The following SPIDR variants were observed in gnomAD, a reference collection of about 807,000 sequenced individuals.
SPIDR encodes scaffold protein involved in DNA repair.
Under a neutral mutation model 104.6 loss-of-function variants are expected in SPIDR, and 93 were observed. The ratio of observed to expected loss-of-function variants is 0.89; its 90% CI spans 0.75 to 1.06. The LOEUF is 1.06. SPIDR is among the 50% of genes least tolerant of loss of function. The pLI is 0.00. For missense variants in SPIDR, 1,154 were observed against 1,111.2 expected (o/e 1.04, Z -0.55); for synonymous variants, 431 against 416.9 (o/e 1.03, Z -0.41).
At chr8:47,388,911 G>A (rs1032635429) in intron 5 of SPIDR, among the ~76,000 whole-genome samples, 4 of 152,326 alleles carry the variant, frequency 2.6e-5, no homozygotes, top group Admixed American at 2.6e-4. Context: ...TTAGTATATT[G>A]CAATGGAAAT....
At chr8:47,433,063 T>C (rs1282684418) in intron 7 of SPIDR, among the ~76,000 whole-genome samples, 1 of 152,214 alleles carries the variant, frequency 6.6e-6, no homozygotes, top group African/African-American at 2.4e-5. Context: ...TAGAAATCTT[T>C]ACTGTCTCAG....
At chr8:47,658,893 G>A (rs1025194566) in intron 10 of SPIDR, among the ~76,000 whole-genome samples, 3 of 146,854 alleles carry the variant, frequency 2.0e-5, no homozygotes, top group African/African-American at 2.5e-5. Context: ...CCAAGATAGC[G>A]CAATTGCATT....
chr8:47,643,203 G>A (rs2069509458), intron 10 of SPIDR, among the ~76,000 whole-genome samples: 2 of 151,910 alleles, frequency 1.3e-5, no homozygotes, highest in East Asian at 1.9e-4. Flanking sequence ...TTAACTGAAT[G>A]TATTGTAAGT....
intron 5 of SPIDR, among the ~76,000 whole-genome samples, chr8:47,331,333 T>C (rs1268957099): frequency 6.6e-6 from 1 of 152,122 alleles, no homozygotes; most frequent in African/African-American, 2.4e-5. Context: ...CATCATAGAG[T>C]GTTCTTACTC....
intron 8 of SPIDR, among the ~76,000 whole-genome samples, chr8:47,445,512 C>T (rs1189135622): frequency 6.6e-6 from 1 of 152,144 alleles, no homozygotes; most frequent in Non-Finnish European, 1.5e-5. Context: ...CAATTAATCG[C>T]CCTAATATGC....
chr8:47,422,551 G>A (rs2065709458), intron 7 of SPIDR, among the ~76,000 whole-genome samples: 1 of 152,234 alleles, frequency 6.6e-6, no homozygotes, highest in Admixed American at 6.5e-5. Context: ...GACCCCTTGT[G>A]CTTCCCGGGT....
At chr8:47,536,701 G>A (rs913705953) in intron 8 of SPIDR, among the ~76,000 whole-genome samples, 3 of 152,106 alleles carry the variant, frequency 2.0e-5, no homozygotes, top group Admixed American at 2.0e-4. Context: ...TTTAAGTTTG[G>A]CAGTGACCAA....
intron 10 of SPIDR, among the ~76,000 whole-genome samples, chr8:47,615,596 C>T (rs2064193383): frequency 6.6e-6 from 1 of 151,690 alleles, no homozygotes; most frequent in Admixed American, 6.6e-5. Flanking sequence ...CCTCAGTCTC[C>T]CAAGTAGCTG....
At position 47,727,276 on chromosome 8, in the gene SPIDR, A is replaced by G. The variant is rs1304624903; in HGVS notation, c.2418A>G (p.Glu806=). The G allele has an allele frequency of 1.2e-6, 2 of 1,614,080 alleles. No homozygotes were observed. Among genetic ancestry groups the G allele is most frequent in the Admixed American group, 3.3e-5 (2 of 60,002 alleles). The change falls in exon 17 of 20, where the codon GAA becomes GAG. Residue 806 remains glutamate (E), a synonymous_variant. Transcript: ENST00000297423. Reference sequence around the variant, plus strand: ...ACATGTGTGGCAACGGGAGATTGGAACAGAGGCCGGAAGACAGGTAAGGGG... The same window carrying G: ...ACATGTGTGGCAACGGGAGATTGGAGCAGAGGCCGGAAGACAGGTAAGGGG... ...VCDMCGNGRL[E]QRPEDRGAFS...
intron 5 of SPIDR, among the ~76,000 whole-genome samples, chr8:47,322,966 A>T (rs1176149992): frequency 6.6e-6 from 1 of 152,150 alleles, no homozygotes; most frequent in African/African-American, 2.4e-5. Context: ...GAGGGATAGC[A>T]TTAGGAGGTA....
intron 8 of SPIDR, among the ~76,000 whole-genome samples, chr8:47,561,263 G>C (rs1022606492): frequency 6.6e-6 from 1 of 152,198 alleles, no homozygotes; most frequent in Non-Finnish European, 1.5e-5. Flanking sequence ...AGGTAGAAAA[G>C]TATTTCTCAA....
intron 10 of SPIDR, among the ~76,000 whole-genome samples, chr8:47,653,730 G>A (rs1459859920): frequency 6.6e-6 from 1 of 152,058 alleles, no homozygotes; most frequent in Non-Finnish European, 1.5e-5. Flanking sequence ...ATAAGTCTCT[G>A]AGCTAAGGGC....
chr8:47,687,084 G>T (rs1022981062), intron 11 of SPIDR, among the ~76,000 whole-genome samples: 2 of 151,972 alleles, frequency 1.3e-5, no homozygotes, highest in African/African-American at 2.4e-5. Context: ...TTAAATAAAA[G>T]CAAGATAATT....
At chr8:47,272,217 T>C (rs2035482738) in intron 1 of SPIDR, among the ~76,000 whole-genome samples, 1 of 152,158 alleles carries the variant, frequency 6.6e-6, no homozygotes, top group Non-Finnish European at 1.5e-5. Flanking sequence ...TACACCTGCC[T>C]TGGCCTCCCA....
chr8:47,640,705 C>G (rs1279499243), intron 10 of SPIDR, among the ~76,000 whole-genome samples: 1 of 151,594 alleles, frequency 6.6e-6, no homozygotes, highest in Non-Finnish European at 1.5e-5. Context: ...TGAGACGGAG[C>G]CTCGCTCTAT....
intron 5 of SPIDR, among the ~76,000 whole-genome samples, chr8:47,343,526 A>G (rs1030529081): frequency 6.6e-6 from 1 of 152,176 alleles, no homozygotes; most frequent in African/African-American, 2.4e-5. Context: ...GGGCCAGAAG[A>G]AGCCTGAGGA....
chr8:47,534,536 C>T (rs1328129841), intron 8 of SPIDR, among the ~76,000 whole-genome samples: 1 of 152,100 alleles, frequency 6.6e-6, no homozygotes, highest in Non-Finnish European at 1.5e-5. Context: ...GAACAGAAAG[C>T]CAAATACCAC....
chr8:47,416,582 GT>G (rs1182031128), intron 7 of SPIDR, among the ~76,000 whole-genome samples: 1 of 151,922 alleles, frequency 6.6e-6, no homozygotes, highest in East Asian at 1.9e-4. Context: ...GGCATGTTTT[GT>G]TTCATTAAAA....
At chr8:47,713,818 A>C (rs2082195800) in intron 16 of SPIDR, among the ~76,000 whole-genome samples, 177 bp downstream of exon 16, 1 of 152,226 alleles carries the variant, frequency 6.6e-6, no homozygotes, top group South Asian at 2.1e-4. Context: ...CTGCACAGAA[A>C]GATGTGAATC....
Sources: allele counts gnomAD v4.1 joint callset (sites outside exome capture counted in the v4.1 genomes callset), GRCh38; gene constraint gnomAD v4.1.1; transcripts MANE v1.5; gene names NCBI Gene and HGNC (gene_info 2026-07-23, HGNC 2026-07-21).